HCN1: variants seen among roughly 807,000 people sequenced by gnomAD.
HCN1 encodes hyperpolarization activated cyclic nucleotide gated potassium channel 1.
A neutral mutation model predicts 78.9 loss-of-function variants in HCN1; 13 were observed. That is an observed-to-expected ratio of 0.16 (90% CI 0.11 to 0.26). The LOEUF (loss-of-function observed/expected upper bound fraction) is 0.26. Among genes scored for constraint, HCN1 ranks in the 10% least tolerant of loss-of-function variants. The pLI, the probability that HCN1 is intolerant of heterozygous loss-of-function variation, is 1.00. For synonymous variants in HCN1, 552 were observed against 455.5 expected (o/e 1.21, Z -2.70); for missense variants, 810 against 1,154.3 (o/e 0.70, Z 4.32).
At chr5:45,541,004 CT>C (rs1304467094) in intron 2 of HCN1, among the ~76,000 whole-genome samples, 1 of 152,008 alleles carries the variant, frequency 6.6e-6, no homozygotes, top group Non-Finnish European at 1.5e-5. Flanking sequence ...CCGACTTATC[CT>C]GATGAAACAC....
intron 2 of HCN1, among the ~76,000 whole-genome samples, chr5:45,549,032 G>C (rs1387016141): frequency 1.3e-5 from 2 of 151,368 alleles, no homozygotes; most frequent in Admixed American, 1.3e-4. Flanking sequence ...CCATGCTCAT[G>C]GGTAGGAAGA....
At chr5:45,633,429 C>T (rs1377774140) in intron 2 of HCN1, among the ~76,000 whole-genome samples, 4 of 151,960 alleles carry the variant, frequency 2.6e-5, no homozygotes, top group Non-Finnish European at 5.9e-5. Context: ...TTCCCCACTC[C>T]TGCTCTCTTA....
At chr5:45,374,092 G>GTATATAATATATATTATATACATAATA (rs1173861883) in intron 4 of HCN1, among the ~76,000 whole-genome samples, 2,296 of 34,264 alleles carry the variant, frequency 0.067, 47 homozygotes, top group Non-Finnish European at 0.089. Context: ...TTACATATAT[G>GTATATAATATATATTATATACATAATA]TATATAATAT....
At chr5:45,488,500 C>A (rs1741814764) in intron 2 of HCN1, among the ~76,000 whole-genome samples, 1 of 152,060 alleles carries the variant, frequency 6.6e-6, no homozygotes, top group African/African-American at 2.4e-5. Flanking sequence ...AAAAATAACA[C>A]CAGTCAGTTG....
At chr5:45,373,391 A>G (rs1426647270) in intron 4 of HCN1, among the ~76,000 whole-genome samples, 5 of 105,146 alleles carry the variant, frequency 4.8e-5, no homozygotes, top group Admixed American at 1.2e-4. Flanking sequence ...AATATATGTA[A>G]ATATATATTA....
chr5:45,375,115 ATATAT>A (rs1156564954), intron 4 of HCN1, among the ~76,000 whole-genome samples: 46 of 122,104 alleles, frequency 3.8e-4, no homozygotes, highest in African/African-American at 1.4e-3. Flanking sequence ...ATAATATATA[ATATAT>A]TATATATAAT....
At chr5:45,632,265 A>G (rs1441938838) in intron 2 of HCN1, among the ~76,000 whole-genome samples, 4 of 151,468 alleles carry the variant, frequency 2.6e-5, no homozygotes, top group East Asian at 1.9e-4. Flanking sequence ...CCTTGATCCA[A>G]TGCTAATGTT....
intron 6 of HCN1, among the ~76,000 whole-genome samples, chr5:45,275,963 G>A (rs1327514276): frequency 1.3e-5 from 2 of 152,098 alleles, no homozygotes; most frequent in Admixed American, 6.6e-5. Context: ...CCTTTAAAAT[G>A]CAGCCAGCTT....
At chr5:45,597,085 A>T (rs1053084059) in intron 2 of HCN1, among the ~76,000 whole-genome samples, 1 of 152,168 alleles carries the variant, frequency 6.6e-6, no homozygotes, top group Non-Finnish European at 1.5e-5. Flanking sequence ...CATCATCCTG[A>T]TACCAAAGCC....
intron 2 of HCN1, among the ~76,000 whole-genome samples, chr5:45,491,128 C>A (rs527450527): frequency 2.6e-5 from 4 of 152,050 alleles, no homozygotes; most frequent in Non-Finnish European, 5.9e-5. Context: ...AAGTAATAAG[C>A]GAATCACACT....
At chr5:45,315,830 C>A (rs1236705016) in intron 5 of HCN1, among the ~76,000 whole-genome samples, 1 of 152,216 alleles carries the variant, frequency 6.6e-6, no homozygotes, top group African/African-American at 2.4e-5. Flanking sequence ...TGGATAAATT[C>A]CTGGACACAT....
At chr5:45,676,137 ATATT>A in intron 1 of HCN1, among the ~76,000 whole-genome samples, 1 of 151,848 alleles carries the variant, frequency 6.6e-6, no homozygotes, top group Admixed American at 6.6e-5. Context: ...CTTTATTCTC[ATATT>A]TATTTTTGAG....
intron 6 of HCN1, among the ~76,000 whole-genome samples, chr5:45,294,661 G>A (rs1375176959): frequency 1.3e-5 from 2 of 151,878 alleles, no homozygotes; most frequent in African/African-American, 4.8e-5. Flanking sequence ...ATTTTAATAT[G>A]GTTTGTTAAT....
chr5:45,626,609 T>C (rs1183088555), intron 2 of HCN1, among the ~76,000 whole-genome samples: 2 of 152,146 alleles, frequency 1.3e-5, no homozygotes, highest in Non-Finnish European at 1.5e-5. Flanking sequence ...GGTTAAGATC[T>C]GAGCTAAGAT....
At chr5:45,324,884 CA>C (rs1212148844) in intron 5 of HCN1, among the ~76,000 whole-genome samples, 1 of 151,604 alleles carries the variant, frequency 6.6e-6, no homozygotes, top group Non-Finnish European at 1.5e-5. Flanking sequence ...AATAAATAAA[CA>C]AAATAAAACA....
At chr5:45,448,053 A>C (rs370429927) in intron 3 of HCN1, among the ~76,000 whole-genome samples, 2 of 151,864 alleles carry the variant, frequency 1.3e-5, no homozygotes, top group Non-Finnish European at 2.9e-5. Context: ...CTTTTCCTAC[A>C]TAAGTTTTAT....
rs1422410254 is a variant in HCN1, at chr5:45,607,854, C to A, written c.849+37331G>T. On this transcript the variant is annotated intron_variant, in intron 2 of 7. Transcript: ENST00000303230. ...GAAAGAATACCTGCTGTCACCTTCT[C>A]TACTCAACATTATACCTGAGATCCT... 2.0e-5 allele frequency among the ~76,000 whole-genome samples: 3 copies of A among 151,700 alleles called. No individual in the cohort carries two copies. In the South Asian group the frequency reaches 6.2e-4, roughly 31 times the overall value.
At chr5:45,627,689 T>C (rs1745195560) in intron 2 of HCN1, among the ~76,000 whole-genome samples, 1 of 152,230 alleles carries the variant, frequency 6.6e-6, no homozygotes, top group Non-Finnish European at 1.5e-5. Context: ...AAATAAAATC[T>C]AAAATCCCCA....
chr5:45,395,007 T>C lies in HCN1; in HGVS notation c.1230+1485A>G, dbSNP rs76759801. Among the ~76,000 whole-genome samples the C allele has an allele frequency of 2.0e-4, 30 of 152,262 alleles. No homozygotes were observed. The East Asian group carries it at 5.0e-3, about 25-fold the overall frequency. On this transcript the variant is annotated intron_variant, in intron 4 of 7. Coordinates refer to ENST00000303230, the MANE Select transcript of HCN1 (RefSeq NM_021072.4). ...ATCTATGATTCCATAAGTGAATACA[T>C]TGAGTTTCCAAGTTAAACTTGGCTA...
Sources: allele counts gnomAD v4.1 joint callset (sites outside exome capture counted in the v4.1 genomes callset), GRCh38; gene constraint gnomAD v4.1.1; transcripts MANE v1.5; gene names NCBI Gene and HGNC (gene_info 2026-07-23, HGNC 2026-07-21).